GABRA2: variants seen among roughly 807,000 people sequenced by gnomAD.
GABRA2 encodes the protein gamma-aminobutyric acid type A receptor subunit alpha2, also known as gamma-aminobutyric acid receptor subunit alpha-2.
In GABRA2, 16 loss-of-function variants were observed where a neutral mutation model predicts 48.7. The observed-to-expected ratio is 0.33, with a 90% CI of 0.22 to 0.50. The LOEUF (loss-of-function observed/expected upper bound fraction) is 0.50. Among genes scored for constraint, GABRA2 ranks in the 20% least tolerant of loss-of-function variants. GABRA2 has a pLI of 0.98. For missense variants in GABRA2, 275 were observed against 535.6 expected, an observed-to-expected ratio of 0.51 and a Z score of 4.80; for synonymous variants, 185 against 184.5, an observed-to-expected ratio of 1.00 and a Z score of -0.02.
At chr4:46,309,153 ACCTGAC>A (rs1727201591) in intron 6 of GABRA2, among the ~76,000 whole-genome samples, 1 of 152,142 alleles carries the variant, frequency 6.6e-6, no homozygotes, top group South Asian at 2.1e-4. Flanking sequence ...GAAAATTGAG[ACCTGAC>A]ACCTTTTGCA....
intron 3 of GABRA2, among the ~76,000 whole-genome samples, chr4:46,361,932 C>A (rs571694806): frequency 2.0e-5 from 3 of 152,302 alleles, no homozygotes; most frequent in African/African-American, 7.2e-5. Context: ...CAATTTCTCC[C>A]ATTTAGAATG....
intron 8 of GABRA2, among the ~76,000 whole-genome samples, chr4:46,290,582 G>T (rs73131375): frequency 0.05 from 7,634 of 152,072 alleles, 658 homozygotes; most frequent in African/African-American, 0.17. Context: ...CACTTCTGAT[G>T]TAAAGAATCA....
chr4:46,345,804 C>T (rs887595956), intron 3 of GABRA2, among the ~76,000 whole-genome samples: 1 of 151,860 alleles, frequency 6.6e-6, no homozygotes, highest in African/African-American at 2.4e-5. Context: ...GGAAAAATGA[C>T]AATAGTTACA....
At chr4:46,267,627 T>C (rs1718515291) in intron 8 of GABRA2, among the ~76,000 whole-genome samples, 1 of 152,140 alleles carries the variant, frequency 6.6e-6, no homozygotes, top group South Asian at 2.1e-4. Flanking sequence ...ATTGTTGAAG[T>C]ACTTATTGTT....
chr4:46,301,907 C>T (rs1725804833), intron 8 of GABRA2, among the ~76,000 whole-genome samples: 1 of 152,020 alleles, frequency 6.6e-6, no homozygotes, highest in Non-Finnish European at 1.5e-5. Context: ...GGACCAAACA[C>T]AAAAAGGTAA....
At chr4:46,290,496 ATTTAGT>A (rs1055138558) in intron 8 of GABRA2, among the ~76,000 whole-genome samples, 4 of 152,006 alleles carry the variant, frequency 2.6e-5, no homozygotes, top group African/African-American at 9.7e-5. Flanking sequence ...TTTTGGTTAA[ATTTAGT>A]TTTAGGAATT....
chr4:46,380,999 G>A (rs1459100602), intron 3 of GABRA2, among the ~76,000 whole-genome samples: 3 of 152,144 alleles, frequency 2.0e-5, no homozygotes, highest in Admixed American at 1.3e-4. Flanking sequence ...CAAGGTTTCA[G>A]AGTATAAAAC....
At chr4:46,333,931 G>A (rs897512873) in intron 3 of GABRA2, among the ~76,000 whole-genome samples, 1 of 152,010 alleles carries the variant, frequency 6.6e-6, no homozygotes, top group Non-Finnish European at 1.5e-5. Flanking sequence ...AAAACTAACA[G>A]TAGTTTGTTT....
At chr4:46,310,594 T>C (rs1156979361) in intron 5 of GABRA2, among the ~76,000 whole-genome samples, 1 of 152,098 alleles carries the variant, frequency 6.6e-6, no homozygotes, top group African/African-American at 2.4e-5. Flanking sequence ...AAAATCTCTA[T>C]CATTAAAAGA....
chr4:46,350,261 G>T (rs1260702626), intron 3 of GABRA2, among the ~76,000 whole-genome samples: 4 of 151,854 alleles, frequency 2.6e-5, no homozygotes, highest in Admixed American at 1.3e-4. Context: ...ATCTTGAGTA[G>T]TCCCAGTATA....
chr4:46,261,833 G>A (rs1450801524), intron 9 of GABRA2, 93 bp downstream of exon 9: 1 of 974,620 alleles, frequency 1.0e-6, no homozygotes, highest in Non-Finnish European at 1.6e-6. Flanking sequence ...ATATATGGAT[G>A]TCTTTAATGT....
chr4:46,285,836 G>A (rs1467164241), intron 8 of GABRA2, among the ~76,000 whole-genome samples: 5 of 151,710 alleles, frequency 3.3e-5, no homozygotes, highest in Admixed American at 3.3e-4. Flanking sequence ...TTTGGTTTTG[G>A]TGCAATAACT....
At chr4:46,259,906 C>A (rs748314650) in intron 9 of GABRA2, among the ~76,000 whole-genome samples, 2 of 151,794 alleles carry the variant, frequency 1.3e-5, no homozygotes, top group Non-Finnish European at 2.9e-5. Flanking sequence ...GGGCACTCTT[C>A]TAGATATCCT....
At chr4:46,319,221 A>G (rs1371462916) in intron 4 of GABRA2, among the ~76,000 whole-genome samples, 1 of 151,824 alleles carries the variant, frequency 6.6e-6, no homozygotes, top group African/African-American at 2.4e-5. Flanking sequence ...TACATTAATT[A>G]TAAATCAGTA....
intron 3 of GABRA2, among the ~76,000 whole-genome samples, chr4:46,345,104 G>A (rs916668259): frequency 3.3e-5 from 5 of 151,632 alleles, no homozygotes; most frequent in Non-Finnish European, 7.4e-5. Context: ...GAGATCCAAT[G>A]GTTTTATAAG....
chr4:46,284,387 T>C (rs1722129833), intron 8 of GABRA2, among the ~76,000 whole-genome samples: 1 of 152,200 alleles, frequency 6.6e-6, no homozygotes, highest in Non-Finnish European at 1.5e-5. Context: ...CTTTCTTATA[T>C]TGTCAACAGA....
intron 3 of GABRA2, among the ~76,000 whole-genome samples, chr4:46,377,376 T>C (rs1715923935): frequency 1.3e-5 from 2 of 149,740 alleles, no homozygotes; most frequent in South Asian, 4.2e-4. Flanking sequence ...GGGGAGCACC[T>C]CTGCCCTGCC....
intron 8 of GABRA2, among the ~76,000 whole-genome samples, chr4:46,298,987 CA>C (rs2109593816): frequency 6.6e-6 from 1 of 150,900 alleles, no homozygotes; most frequent in Admixed American, 6.6e-5. Flanking sequence ...ATATATTATA[CA>C]TATATTATAT....
chr4:46,268,171 A>G (rs1290906613), intron 8 of GABRA2, among the ~76,000 whole-genome samples: 1 of 151,996 alleles, frequency 6.6e-6, no homozygotes, highest in Non-Finnish European at 1.5e-5. Context: ...CTGTGAAAAC[A>G]TAGGCAACAA....
Sources: allele counts gnomAD v4.1 joint callset (sites outside exome capture counted in the v4.1 genomes callset), GRCh38; gene constraint gnomAD v4.1.1; transcripts MANE v1.5; gene names NCBI Gene and HGNC (gene_info 2026-07-23, HGNC 2026-07-21).